Variants in CMKLR2 observed in about 807,000 individuals in gnomAD.
CMKLR2 encodes the protein chemerin chemokine-like receptor 2, also known as chemerin-like receptor 2.
A neutral mutation model predicts 23.0 loss-of-function variants in CMKLR2; 18 were observed. That is an observed-to-expected ratio of 0.78 (90% CI 0.54 to 1.16). The LOEUF (loss-of-function observed/expected upper bound fraction) is 1.16, where lower values mean the gene tolerates loss of function less well. Among genes scored for constraint, CMKLR2 ranks in the 50% most tolerant of loss-of-function variants. The pLI, the probability that CMKLR2 is intolerant of heterozygous loss-of-function variation, is 0.00. For missense variants in CMKLR2, 401 were observed against 412.7 expected (o/e 0.97, Z 0.25); for synonymous variants, 158 against 158.9 (o/e 0.99, Z 0.05).
At chr2:206,193,632 G>T (rs548712184) in intron 1 of CMKLR2, among the ~76,000 whole-genome samples, 1 of 152,132 alleles carries the variant, frequency 6.6e-6, no homozygotes, top group Admixed American at 6.5e-5. Context: ...GCAATGTTAT[G>T]TATCGTAACG....
chr2:206,188,275 T>C (rs1157163698), intron 1 of CMKLR2, among the ~76,000 whole-genome samples: 1 of 152,164 alleles, frequency 6.6e-6, no homozygotes, highest in Non-Finnish European at 1.5e-5. Context: ...AAGAGGATCA[T>C]TAAACACGCA....
chr2:206,190,503 TAGAC>T, intron 1 of CMKLR2, among the ~76,000 whole-genome samples: 1 of 152,280 alleles, frequency 6.6e-6, no homozygotes, highest in Non-Finnish European at 1.5e-5. Flanking sequence ...GGAAGGTCCT[TAGAC>T]AGTGAGAGAA....
intron 1 of CMKLR2, among the ~76,000 whole-genome samples, chr2:206,202,864 T>C (rs1000826908): frequency 6.6e-6 from 1 of 151,976 alleles, no homozygotes; most frequent in Non-Finnish European, 1.5e-5. Context: ...CACCCCTCCA[T>C]CCACTGTACC....
intron 1 of CMKLR2, among the ~76,000 whole-genome samples, chr2:206,191,343 A>G (rs899318187): frequency 2.1e-4 from 32 of 152,332 alleles, no homozygotes; most frequent in African/African-American, 7.2e-4. Context: ...ATCATTACCT[A>G]CAAGTTTTAG....
intron 1 of CMKLR2, among the ~76,000 whole-genome samples, chr2:206,196,718 T>C (rs1688934426): frequency 6.6e-6 from 1 of 152,178 alleles, no homozygotes; most frequent in Non-Finnish European, 1.5e-5. Flanking sequence ...TTTATTTTAG[T>C]ACTACGTCAG....
In CMKLR2 at chr2:206,195,325, G is replaced by T. The variant is rs189150198; in HGVS notation, c.-29+17982C>A. On this transcript the variant is annotated intron_variant, in intron 1 of 1. Transcript: ENST00000621141. ...TCATGACTATCTTCAGATACTTGAA[G>T]ATGCTAGGGCAGAAAATGTTGGCAT... 7.2e-4 allele frequency among the ~76,000 whole-genome samples: 109 copies of T among 152,332 alleles called. 1 individual carries two copies. The East Asian group carries it at 0.019, about 26-fold the overall frequency.
intron 1 of CMKLR2, among the ~76,000 whole-genome samples, chr2:206,198,698 C>A (rs1252683318): frequency 6.6e-6 from 1 of 152,164 alleles, no homozygotes; most frequent in African/African-American, 2.4e-5. Context: ...GAATATTGTA[C>A]CTCCCTCATT....
At chr2:206,203,977 C>T (rs770028457) in intron 1 of CMKLR2, 2 of 152,132 alleles carry the variant, frequency 1.3e-5, no homozygotes, top group Non-Finnish European at 2.9e-5. Flanking sequence ...GTAAACTGTT[C>T]TAGGTTTATT....
chr2:206,212,890 T>A (rs1021443000), intron 1 of CMKLR2, among the ~76,000 whole-genome samples: 2 of 152,194 alleles, frequency 1.3e-5, no homozygotes, highest in African/African-American at 4.8e-5. Flanking sequence ...GGAGTACCAT[T>A]TTTTTCTACT....
intron 1 of CMKLR2, among the ~76,000 whole-genome samples, chr2:206,203,020 G>A (rs1689157986): frequency 6.6e-6 from 1 of 151,732 alleles, no homozygotes; most frequent in Admixed American, 6.6e-5. Context: ...ACCTTGCTCC[G>A]TTTGAAAGAG....
intron 1 of CMKLR2, among the ~76,000 whole-genome samples, chr2:206,189,312 TG>T (rs1559087972): frequency 2.0e-5 from 3 of 152,100 alleles, no homozygotes; most frequent in Admixed American, 6.6e-5. Flanking sequence ...TGGGGGAACA[TG>T]TATTTTGCTT....
At position 206,190,467 on chromosome 2, in the gene CMKLR2, C is replaced by T. The variant is rs375768783; in HGVS notation, c.-28-13192G>A. On this transcript the variant is annotated intron_variant, in intron 1 of 1. Transcript: ENST00000621141. ...GGAAGTAAGACAATCATTCAGGAGCCTGTTACCACAATGGAAGTCGAAGAT... is the reference window on the plus strand; with the variant it reads ...GGAAGTAAGACAATCATTCAGGAGCTTGTTACCACAATGGAAGTCGAAGAT... Among the ~76,000 whole-genome samples the T allele has an allele frequency of 7.2e-5, 11 of 152,250 alleles. No homozygotes were observed. In the East Asian group the frequency reaches 1.5e-3, roughly 21 times the overall value.
At chr2:206,210,319 G>T (rs1574331816) in intron 1 of CMKLR2, among the ~76,000 whole-genome samples, 2 of 152,116 alleles carry the variant, frequency 1.3e-5, no homozygotes, top group East Asian at 3.8e-4. Flanking sequence ...CCCTGCAAAG[G>T]ACATGATCTA....
rs114335783 is a variant in CMKLR2 at position 206,183,375 on chromosome 2, A to C, written c.-28-6100T>G. Among the ~76,000 whole-genome samples, 854 of 152,280 alleles carry C rather than the reference A, an allele frequency of 5.6e-3. 14 individuals carry two copies. Among genetic ancestry groups the C allele is most frequent in the African/African-American group, 0.02 (811 of 41,544 alleles). ...TTATTGACCCTGCTGGGACAGTGTGATCATCGCAGGGCCTGTTGAAGGCAA... is the reference window on the plus strand; with the variant it reads ...TTATTGACCCTGCTGGGACAGTGTGCTCATCGCAGGGCCTGTTGAAGGCAA... On this transcript the variant is annotated intron_variant, in intron 1 of 1. Coordinates refer to ENST00000621141, the MANE Select transcript of CMKLR2 (RefSeq NM_001389445.1).
intron 1 of CMKLR2, among the ~76,000 whole-genome samples, chr2:206,207,620 G>A (rs1422542791): frequency 6.7e-6 from 1 of 150,238 alleles, no homozygotes; most frequent in East Asian, 2.0e-4. Flanking sequence ...ACTCTCACAA[G>A]AATCCTGGGA....
upstream of CMKLR2, among the ~76,000 whole-genome samples, chr2:206,214,165 A>ATTTTTTTTTTTTTTTTTTTTTTT (rs34307347): frequency 1.5e-5 from 1 of 64,928 alleles, no homozygotes; most frequent in Non-Finnish European, 2.7e-5. Flanking sequence ...TAAAGACTTG[A>ATTTTTTTTTTTTTTTTTTTTTTT]TTTTTTTTTT....
intron 1 of CMKLR2, among the ~76,000 whole-genome samples, chr2:206,191,230 A>G (rs906672025): frequency 6.6e-6 from 1 of 152,184 alleles, no homozygotes; most frequent in African/African-American, 2.4e-5. Flanking sequence ...TAGTAATAGC[A>G]CCTAACTCAT....
intron 1 of CMKLR2, among the ~76,000 whole-genome samples, chr2:206,211,570 G>A (rs2105844951): frequency 6.6e-6 from 1 of 151,860 alleles, no homozygotes; most frequent in East Asian, 1.9e-4. Context: ...CACCAGAGAT[G>A]AGAAGTCTCC....
chr2:206,215,873 A>AT (rs1441061765), upstream of CMKLR2, among the ~76,000 whole-genome samples: 1 of 152,182 alleles, frequency 6.6e-6, no homozygotes, highest in Non-Finnish European at 1.5e-5. Flanking sequence ...TTGGAGATCT[A>AT]TTAAGAGAGC....
Sources: gnomAD v4.1 joint callset for allele counts (sites outside exome capture counted in the v4.1 genomes callset) on GRCh38, gnomAD v4.1.1 for gene constraint, MANE v1.5 for transcripts, NCBI Gene and HGNC (gene_info 2026-07-23, HGNC 2026-07-21) for gene names.